RP1: variants seen among roughly 807,000 people sequenced by gnomAD.
RP1 encodes oxygen-regulated protein 1.
RP1 carries 16 observed loss-of-function variants against 14.8 expected under a neutral mutation model. That is an observed-to-expected ratio of 1.08 (90% CI 0.73 to 1.65). The LOEUF (loss-of-function observed/expected upper bound fraction) is 1.65, where lower values mean the gene tolerates loss of function less well. Among genes scored for constraint, RP1 ranks in the 40% most tolerant of loss-of-function variants. RP1 has a pLI of 0.00. For missense variants in RP1, 2,631 were observed against 2,535.0 expected (o/e 1.04, Z -0.81); for synonymous variants, 876 against 883.6 (o/e 0.99, Z 0.15).
At chr8:54,818,399 T>C (rs1325492874) in intron 24 of RP1, among the ~76,000 whole-genome samples, 2 of 152,230 alleles carry the variant, frequency 1.3e-5, no homozygotes, top group Non-Finnish European at 2.9e-5. Context: ...CCATCAACCC[T>C]AAGAGATGCT....
Position 54,627,240 on chromosome 8 carries a change from G to A in RP1, c.3358G>A (p.Ala1120Thr). 6.2e-7 allele frequency: 1 copy of A among 1,614,062 alleles called. No individual in the cohort carries two copies. Among genetic ancestry groups the A allele is most frequent in the Non-Finnish European group, 8.5e-7 (1 of 1,179,976 alleles). ...ACTTGCAGGTGTTCCCTTTCATTCT[G>A]CAATATGTAATTCATCCACTAATCT... Reference protein sequence around the residue: ...GSLAGVPFHSAICNSSTNLLL... With the variant: ...GSLAGVPFHSTICNSSTNLLL... Residue 1120 changes from alanine (A) to threonine (T), a missense_variant, in exon 4 of 4, where the codon GCA becomes ACA. By Grantham distance (58) the Ala-to-Thr change is moderately conservative. Transcript: ENST00000220676.
chr8:54,795,740 C>G (rs2129386716), intron 24 of RP1, among the ~76,000 whole-genome samples: 1 of 152,222 alleles, frequency 6.6e-6, no homozygotes, highest in African/African-American at 2.4e-5. Flanking sequence ...TGATCATATC[C>G]TCCTCTGTCT....
chr8:54,819,784 C>T (rs1443851695), intron 24 of RP1, among the ~76,000 whole-genome samples: 1 of 152,042 alleles, frequency 6.6e-6, no homozygotes, highest in Non-Finnish European at 1.5e-5. Context: ...TCTGGAATAC[C>T]AGGCAGAGTC....
At chr8:54,839,731 A>G (rs1563392349) in intron 25 of RP1, among the ~76,000 whole-genome samples, 1 of 152,084 alleles carries the variant, frequency 6.6e-6, no homozygotes, top group African/African-American at 2.4e-5. Context: ...ACATACTCTC[A>G]ATCTCTGTTA....
intron 6 of RP1, among the ~76,000 whole-genome samples, chr8:54,657,714 G>A (rs1031141226): frequency 1.4e-4 from 21 of 151,978 alleles, no homozygotes; most frequent in African/African-American, 5.1e-4. Context: ...AAAAGTAATG[G>A]TAGTTATTCA....
downstream of RP1, among the ~76,000 whole-genome samples, chr8:54,635,469 A>G (rs1016928159): frequency 2.6e-5 from 4 of 152,210 alleles, no homozygotes; most frequent in Non-Finnish European, 4.4e-5. Context: ...GGAATTCATT[A>G]TATTGAGAGT....
downstream of RP1, among the ~76,000 whole-genome samples, chr8:54,770,755 T>C (rs1354522240): frequency 1.3e-5 from 2 of 151,672 alleles, no homozygotes; most frequent in Non-Finnish European, 1.5e-5. Flanking sequence ...TTGTAATTTA[T>C]ATTAACTTCT....
chr8:54,648,510 C>T (rs1806591982), intron 3 of RP1, among the ~76,000 whole-genome samples: 1 of 152,028 alleles, frequency 6.6e-6, no homozygotes, highest in Non-Finnish European at 1.5e-5. Flanking sequence ...TTCTCAAATT[C>T]TACTCACCCA....
At chr8:54,642,866 T>G (rs1308261463) in intron 3 of RP1, among the ~76,000 whole-genome samples, 1 of 152,186 alleles carries the variant, frequency 6.6e-6, no homozygotes, top group African/African-American at 2.4e-5. Context: ...CTTCGGACTG[T>G]TATAACACTA....
chr8:54,759,881 T>C (rs192122129), intron 22 of RP1, among the ~76,000 whole-genome samples: 2 of 152,290 alleles, frequency 1.3e-5, no homozygotes, highest in Admixed American at 6.5e-5. Flanking sequence ...GGTTCCATTT[T>C]GAAAATTTGA....
In RP1 at chr8:54,629,257, C is replaced by A. The variant is rs780301238; in HGVS notation, c.5375C>A (p.Ala1792Asp). 1.9e-6 allele frequency: 3 copies of A among 1,613,796 alleles called. 1 individual carries two copies. The South Asian group carries it at 3.3e-5, about 18-fold the overall frequency. ...CCATATTCACATTTTGGTAATTTGG[C>A]CCCAGGCCCAACGATGGATGAACTC... ...EVPYSHFGNL[A>D]PGPTMDELSS... The change falls in exon 4 of 4, where the codon GCC (alanine) becomes GAC (aspartate). Residue 1792 changes from alanine to aspartate, a missense_variant. Transcript: ENST00000220676.
chr8:54,649,070 A>G, exon 4 of RP1: 1 of 1,532,772 alleles, frequency 6.5e-7, no homozygotes, highest in South Asian at 1.2e-5. Flanking sequence ...TGTATGGACA[A>G]CATAGAAGTT....
intron 22 of RP1, among the ~76,000 whole-genome samples, chr8:54,766,404 T>G (rs138281958): frequency 9.8e-5 from 15 of 152,324 alleles, no homozygotes; most frequent in East Asian, 5.8e-4. Context: ...CATTTCTTGC[T>G]ATTCTGAGCA....
At chr8:54,756,467 AACATTGGATATCTTAAAGCTCACCTAT>A (rs1380850574) in intron 21 of RP1, among the ~76,000 whole-genome samples, 3 of 152,176 alleles carry the variant, frequency 2.0e-5, no homozygotes, top group Admixed American at 1.3e-4. Context: ...AATATTTTGA[AACATTGGATATCTTAAAGCTCACCTAT>A]ACATTTGTCA....
At chr8:54,730,587 T>C (rs1014221490) in intron 17 of RP1, among the ~76,000 whole-genome samples, 4 of 152,148 alleles carry the variant, frequency 2.6e-5, no homozygotes, top group African/African-American at 9.6e-5. Context: ...TTAAGATCAT[T>C]AGGATATTTT....
Position 54,755,917 on chromosome 8 carries a change from G to A in RP1, c.3093+147G>A, listed in dbSNP as rs553327800. On this transcript the variant is annotated intron_variant, in intron 21 of 22. Coordinates refer to the RP1 transcript ENST00000636932. ...CATTTTCCTGACCTGACTTCCTAAT[G>A]TGCTTTGTTTTGGAAGTTGTTCTTG... 1.6e-4 allele frequency: 118 copies of A among 748,626 alleles called. No individual in the cohort carries two copies. In the African/African-American group the frequency reaches 2.0e-3, roughly 12 times the overall value. 46.4% of individuals were successfully genotyped at this position (748,626 alleles called of 1,614,324 possible).
intron 24 of RP1, among the ~76,000 whole-genome samples, chr8:54,798,375 C>A (rs1810624195): frequency 6.6e-6 from 1 of 152,026 alleles, no homozygotes; most frequent in African/African-American, 2.4e-5. Flanking sequence ...ATTTCATTTG[C>A]CCAAGGTAAT....
chr8:54,650,296 A>G (rs383666), intron 4 of RP1, among the ~76,000 whole-genome samples: 33,525 of 152,050 alleles, frequency 0.22, 4,281 homozygotes, highest in East Asian at 0.42. Context: ...CAGTAATTTC[A>G]TGCCAATTTT....
intron 1 of RP1, among the ~76,000 whole-genome samples, chr8:54,597,527 G>C (rs1805177406): frequency 6.6e-6 from 1 of 152,136 alleles, no homozygotes. Context: ...TCACCATTCA[G>C]TTCCCATGTA....
Sources: gnomAD v4.1 joint callset for allele counts (sites outside exome capture counted in the v4.1 genomes callset) on GRCh38, gnomAD v4.1.1 for gene constraint, MANE v1.5 for transcripts, NCBI Gene and HGNC (gene_info 2026-07-23, HGNC 2026-07-21) for gene names.